The following PGPEP1 variants were observed in gnomAD, a reference collection of about 807,000 sequenced individuals.
PGPEP1 encodes pyroglutamyl-peptidase 1.
In PGPEP1, 15 loss-of-function variants were observed where a neutral mutation model predicts 24.1. The ratio of observed to expected loss-of-function variants is 0.62; its 90% confidence interval spans 0.42 to 0.96. PGPEP1 has a LOEUF of 0.96. Ranked by LOEUF, PGPEP1 falls within the 40% of genes least tolerant of loss-of-function variation. The pLI is 0.00. For synonymous variants in PGPEP1, 122 were observed against 116.4 expected, an observed-to-expected ratio of 1.05 and a Z score of -0.31; for missense variants, 242 against 273.4, an observed-to-expected ratio of 0.89 and a Z score of 0.81.
intron 2 of PGPEP1, among the ~76,000 whole-genome samples, chr19:18,344,153 T>C (rs530257203): frequency 4.9e-5 from 5 of 101,016 alleles, no homozygotes; most frequent in Non-Finnish European, 2.6e-5. Flanking sequence ...GGGGAACATA[T>C]CTTGACCTTG....
chr19:18,353,900 G>C (rs1447163397), intron 2 of PGPEP1, among the ~76,000 whole-genome samples: 1 of 152,136 alleles, frequency 6.6e-6, no homozygotes, highest in African/African-American at 2.4e-5. Context: ...ATGGGCATTT[G>C]TGCTATTTCT....
Position 18,368,138 on chromosome 19 carries a change from TAAGAA to T in PGPEP1, c.*4558_*4562del, listed in dbSNP as rs1171737362. On this transcript the variant is annotated 3_prime_UTR_variant, in exon 5 of 5. Coordinates refer to ENST00000269919, the MANE Select transcript of PGPEP1 (RefSeq NM_017712.4). The stretch of plus-strand genomic sequence containing the variant: ...ACAGAGCAAGACCCTGCCTCAAAAT[TAAGAA>T]AAAAAAAAGGGGGGCCAGGCGCAGT... The T allele has an allele frequency of 2.0e-5, 3 of 146,804 alleles. No homozygotes were observed. Among genetic ancestry groups the T allele is most frequent in the African/African-American group, 7.6e-5 (3 of 39,528 alleles). The allele number at this position is 146,804 out of a possible 1,614,324, so 9.1% of individuals were successfully genotyped here.
chr19:18,357,946 GC>G, intron 4 of PGPEP1: 1 of 350,568 alleles, frequency 2.9e-6, no homozygotes, highest in Non-Finnish European at 5.4e-6. Context: ...TCCTGGAGCT[GC>G]TATAACAAAT....
chr19:18,355,861 G>C (rs963772652), intron 2 of PGPEP1, 34 bp from the exon 3 acceptor site: 18 of 1,346,260 alleles, frequency 1.3e-5, no homozygotes, highest in African/African-American at 4.3e-5. Context: ...GCTGTCATCT[G>C]GGGCCATGAC....
At chr19:18,358,095 C>G (rs1224826322) in intron 4 of PGPEP1, 20 of 181,482 alleles carry the variant, frequency 1.1e-4, no homozygotes, top group Non-Finnish European at 2.2e-4. Context: ...GGCCTCTCTC[C>G]TGCAGCTGGT....
intron 2 of PGPEP1, chr19:18,348,934 T>C (rs1411682329): frequency 7.4e-5 from 13 of 175,164 alleles, no homozygotes; most frequent in African/African-American, 3.1e-4. Context: ...TTTTTTAAAT[T>C]TTATTTTTTG....
intron 2 of PGPEP1, among the ~76,000 whole-genome samples, chr19:18,346,989 T>C (rs1218515699): frequency 6.6e-6 from 1 of 151,354 alleles, no homozygotes; most frequent in Non-Finnish European, 1.5e-5. Flanking sequence ...TCTTTCTGCC[T>C]CTCTCTCTCT....
intron 1 of PGPEP1, 41 bp downstream of exon 1, chr19:18,340,756 G>C: frequency 7.1e-7 from 1 of 1,409,832 alleles, no homozygotes; most frequent in Non-Finnish European, 9.3e-7. Context: ...GCGGCCGGGG[G>C]CAGAGGCGGG....
chr19:18,361,449 AT>A (rs1339430413), intron 4 of PGPEP1, among the ~76,000 whole-genome samples: 1 of 150,272 alleles, frequency 6.7e-6, no homozygotes, highest in African/African-American at 2.5e-5. Context: ...ACCCAGCCCA[AT>A]TTTTTTGTAT....
chr19:18,354,781 G>A (rs2144559766), intron 2 of PGPEP1, among the ~76,000 whole-genome samples: 1 of 152,122 alleles, frequency 6.6e-6, no homozygotes, highest in South Asian at 2.1e-4. Context: ...GCCTCTCAAA[G>A]TGCTGGGATT....
Position 18,363,486 on chromosome 19 carries a change from C to T in PGPEP1, c.533C>T (p.Ala178Val), listed in dbSNP as rs751646118. The T allele has an allele frequency of 1.4e-5, 22 of 1,614,190 alleles. No individual in the cohort carries two copies. Among genetic ancestry groups the T allele is most frequent in the South Asian group, 5.5e-5 (5 of 91,086 alleles). ...HVPPLGKPYN[A>V]DQLGRALRAI... Reference sequence around the variant, plus strand: ...CCCCCACTGGGGAAGCCGTACAACGCGGACCAGCTGGGCAGGGCACTGAGA... The same window carrying T: ...CCCCCACTGGGGAAGCCGTACAACGTGGACCAGCTGGGCAGGGCACTGAGA... The change falls in exon 5 of 5, where the codon GCG becomes GTG. Residue 178 changes from alanine (A) to valine (V), a missense_variant. Transcript: ENST00000269919.
intron 4 of PGPEP1, chr19:18,357,877 C>T (rs889830910): frequency 2.0e-6 from 1 of 501,706 alleles, no homozygotes; most frequent in Admixed American, 3.4e-5. Flanking sequence ...CAGCCTCCAT[C>T]TCAGTCTTCC....
intron 2 of PGPEP1, among the ~76,000 whole-genome samples, chr19:18,346,553 T>C (rs1236015301): frequency 6.6e-6 from 1 of 151,730 alleles, no homozygotes; most frequent in African/African-American, 2.4e-5. Flanking sequence ...TTCATATCTG[T>C]GTCTCTCTTC....
chr19:18,352,998 A>C (rs1361344265), intron 2 of PGPEP1, among the ~76,000 whole-genome samples: 2 of 151,400 alleles, frequency 1.3e-5, no homozygotes, highest in Non-Finnish European at 2.9e-5. Flanking sequence ...GCTCACTGCA[A>C]TCTCTGCCTC....
In PGPEP1 at chr19:18,363,889, G is replaced by A. The variant is rs1281268744; in HGVS notation, c.*306G>A. On this transcript the variant is annotated 3_prime_UTR_variant, in exon 5 of 5. Coordinates refer to ENST00000269919, the MANE Select transcript of PGPEP1 (RefSeq NM_017712.4). ...GAGAATCTTGGTCTGGTGAATCCAT[G>A]AGCTGCGATACCACGGCTGGGGCCA... 2 of 290,386 alleles carry A rather than the reference G, an allele frequency of 6.9e-6. No individual in the cohort carries two copies. The highest frequency in any genetic ancestry group is 9.1e-5 in the Admixed American group (2 of 22,080). 18.0% of individuals were successfully genotyped at this position (290,386 alleles called of 1,614,324 possible). A position where few individuals can be genotyped will look rare whatever the true frequency, so the allele number is the denominator to read the frequency against.
At chr19:18,352,266 C>CAAAAAAAAAAAAAA (rs60299417) in intron 2 of PGPEP1, among the ~76,000 whole-genome samples, 1,354 of 43,440 alleles carry the variant, frequency 0.031, 155 homozygotes, top group African/African-American at 0.042. Context: ...GACTCCGTCT[C>CAAAAAAAAAAAAAA]AAAAAAAAAA....
rs975807184 is a variant in PGPEP1 at position 18,365,835 on chromosome 19, G to A, written c.*2252G>A. On this transcript the variant is annotated 3_prime_UTR_variant, in exon 5 of 5. Coordinates refer to ENST00000269919, the MANE Select transcript of PGPEP1 (RefSeq NM_017712.4). The stretch of plus-strand genomic sequence containing the variant: ...TCTGGAGGGGAAGGTGGATGCTGGC[G>A]GGTGACTTGCAGTGGGCGCCTGGCA... 9 of 152,336 alleles carry A rather than the reference G, an allele frequency of 5.9e-5. No homozygotes were observed. The highest frequency in any genetic ancestry group is 2.2e-4 in the African/African-American group (9 of 41,432). 9.4% of individuals were successfully genotyped at this position (152,336 alleles called of 1,614,324 possible).
intron 4 of PGPEP1, among the ~76,000 whole-genome samples, chr19:18,362,830 A>G (rs1451400408): frequency 1.4e-4 from 21 of 152,122 alleles, no homozygotes. Flanking sequence ...TTGCACTCCA[A>G]ACTGGGTGAC....
At chr19:18,343,478 G>A (rs572068355) in intron 2 of PGPEP1, among the ~76,000 whole-genome samples, 34 of 152,252 alleles carry the variant, frequency 2.2e-4, no homozygotes, top group Non-Finnish European at 4.0e-4. Flanking sequence ...GAGGAGGGAT[G>A]AAGGGAGTTC....
Sources: gnomAD v4.1 joint callset for allele counts (sites outside exome capture counted in the v4.1 genomes callset) on GRCh38, gnomAD v4.1.1 for gene constraint, MANE v1.5 for transcripts, NCBI Gene and HGNC (gene_info 2026-07-23, HGNC 2026-07-21) for gene names.